Variants in MACROD2 observed in about 807,000 individuals in gnomAD.
The protein encoded by MACROD2 is ADP-ribose glycohydrolase MACROD2.
MACROD2 carries 36 observed loss-of-function variants against 70.4 expected under a neutral mutation model. That is an observed-to-expected ratio of 0.51 (90% CI 0.39 to 0.68). MACROD2 has a LOEUF of 0.68. MACROD2 is among the 30% of genes least tolerant of loss of function. The probability of loss-of-function intolerance (pLI) is 0.00; values close to 1 mark genes in which losing one functional copy is unlikely to be tolerated. For synonymous variants in MACROD2, 172 were observed against 178.8 expected (o/e 0.96, Z 0.30); for missense variants, 496 against 538.4 (o/e 0.92, Z 0.78).
At chr20:14,099,805 A>G (rs2054274494) in intron 3 of MACROD2, among the ~76,000 whole-genome samples, 1 of 152,108 alleles carries the variant, frequency 6.6e-6, no homozygotes, top group African/African-American at 2.4e-5. Flanking sequence ...ATTGCTCTAG[A>G]TCCTTGTCAA....
intron 9 of MACROD2, among the ~76,000 whole-genome samples, chr20:15,878,891 A>G (rs1272176839): frequency 6.6e-6 from 1 of 152,164 alleles, no homozygotes; most frequent in Non-Finnish European, 1.5e-5. Flanking sequence ...GTTGGTTTTC[A>G]CATATATTTT....
At chr20:14,970,536 C>A (rs974610672) in intron 5 of MACROD2, among the ~76,000 whole-genome samples, 1 of 151,810 alleles carries the variant, frequency 6.6e-6, no homozygotes, top group East Asian at 1.9e-4. Flanking sequence ...CTTCAGTTCA[C>A]CAGAAAAAGT....
chr20:14,711,717 G>A (rs1253524601), intron 5 of MACROD2, among the ~76,000 whole-genome samples: 2 of 151,826 alleles, frequency 1.3e-5, no homozygotes, highest in Non-Finnish European at 1.5e-5. Context: ...CAAATCCCCC[G>A]CCCCAGCCCC....
intron 12 of MACROD2, among the ~76,000 whole-genome samples, chr20:15,941,698 G>A (rs1477781649): frequency 6.6e-6 from 1 of 152,176 alleles, no homozygotes; most frequent in Non-Finnish European, 1.5e-5. Context: ...TCCAATTTAA[G>A]TGGCAGAACA....
intron 4 of MACROD2, among the ~76,000 whole-genome samples, chr20:14,510,954 G>T (rs2085022909): frequency 6.6e-6 from 1 of 152,078 alleles, no homozygotes; most frequent in South Asian, 2.1e-4. Context: ...ATGATAAAAT[G>T]CTGTGGGTGT....
intron 2 of MACROD2, among the ~76,000 whole-genome samples, chr20:14,003,213 C>T (rs185247577): frequency 1.3e-5 from 2 of 152,178 alleles, no homozygotes; most frequent in Admixed American, 1.3e-4. Flanking sequence ...GTACTATGGG[C>T]CCAGAATAAA....
chr20:14,205,492 A>G (rs2081515545), intron 3 of MACROD2, among the ~76,000 whole-genome samples: 1 of 152,200 alleles, frequency 6.6e-6, no homozygotes, highest in Admixed American at 6.5e-5. Context: ...CTATTTGTAT[A>G]AGGTGCAAAT....
chr20:14,566,180 C>A (rs1979787009), intron 4 of MACROD2, among the ~76,000 whole-genome samples: 1 of 151,818 alleles, frequency 6.6e-6, no homozygotes, highest in Non-Finnish European at 1.5e-5. Context: ...AAATAAAAAA[C>A]CAAATGACCA....
chr20:14,204,142 G>A (rs1443442555), intron 3 of MACROD2, among the ~76,000 whole-genome samples: 1 of 152,190 alleles, frequency 6.6e-6, no homozygotes, highest in Admixed American at 6.5e-5. Context: ...ACTGGAGGGG[G>A]TGGGGTTGCT....
chr20:15,715,532 C>T (rs561749981), intron 8 of MACROD2, among the ~76,000 whole-genome samples: 11 of 152,178 alleles, frequency 7.2e-5, no homozygotes, highest in Non-Finnish European at 1.3e-4. Context: ...AATCAAGGCT[C>T]CATCACTACC....
At chr20:14,422,906 T>C (rs1335848137) in intron 3 of MACROD2, among the ~76,000 whole-genome samples, 1 of 152,204 alleles carries the variant, frequency 6.6e-6, no homozygotes, top group Non-Finnish European at 1.5e-5. Flanking sequence ...ATCCTTTCAT[T>C]TGAACCTGAA....
At chr20:14,596,810 C>T (rs1371820206) in intron 4 of MACROD2, among the ~76,000 whole-genome samples, 1 of 152,128 alleles carries the variant, frequency 6.6e-6, no homozygotes, top group South Asian at 2.1e-4. Flanking sequence ...ATAACACCTA[C>T]CTCATTGTTT....
intron 8 of MACROD2, among the ~76,000 whole-genome samples, chr20:15,843,011 A>G (rs1293939257): frequency 6.6e-6 from 1 of 152,200 alleles, no homozygotes; most frequent in Non-Finnish European, 1.5e-5. Flanking sequence ...AGGAAACAGT[A>G]GACTAGATTT....
At chr20:14,862,017 ATT>A (rs1375623477) in intron 5 of MACROD2, among the ~76,000 whole-genome samples, 12 of 14,716 alleles carry the variant, frequency 8.2e-4, no homozygotes, top group Admixed American at 1.4e-3. Context: ...ATATATATAT[ATT>A]TATATATATT....
At chr20:15,967,017 G>A (rs556447785) in intron 12 of MACROD2, among the ~76,000 whole-genome samples, 4 of 152,218 alleles carry the variant, frequency 2.6e-5, no homozygotes, top group African/African-American at 9.6e-5. Context: ...TGTGCTAAGC[G>A]AGGGAGGGAA....
intron 7 of MACROD2, among the ~76,000 whole-genome samples, chr20:15,438,490 G>A (rs1002234092): frequency 8.5e-5 from 13 of 152,230 alleles, no homozygotes; most frequent in Admixed American, 3.3e-4. Context: ...TTTGAGAAGT[G>A]TCTGTTCATG....
chr20:14,715,999 G>A (rs1288568956), intron 5 of MACROD2, among the ~76,000 whole-genome samples: 1 of 152,024 alleles, frequency 6.6e-6, no homozygotes, highest in East Asian at 1.9e-4. Flanking sequence ...TTTCCAACCT[G>A]CTCTGTTGCT....
intron 5 of MACROD2, among the ~76,000 whole-genome samples, chr20:15,200,661 C>A (rs1287514576): frequency 3.3e-5 from 5 of 152,188 alleles, no homozygotes; most frequent in Admixed American, 3.3e-4. Context: ...TGGCACAAGG[C>A]ATGATCCCGA....
At chr20:15,838,023 A>G (rs2064132837) in intron 8 of MACROD2, among the ~76,000 whole-genome samples, 1 of 152,184 alleles carries the variant, frequency 6.6e-6, no homozygotes, top group African/African-American at 2.4e-5. Context: ...CCCCAGTGTC[A>G]TAAATCTATG....
Sources: allele counts gnomAD v4.1 joint callset (sites outside exome capture counted in the v4.1 genomes callset), GRCh38; gene constraint gnomAD v4.1.1; transcripts MANE v1.5; gene names NCBI Gene and HGNC (gene_info 2026-07-23, HGNC 2026-07-21).